The following RAB27B variants were observed in gnomAD, a reference collection of about 807,000 sequenced individuals.
RAB27B encodes RAB27B, member RAS oncogene family.
Under a neutral mutation model 24.6 loss-of-function variants are expected in RAB27B, and 15 were observed. That is an observed-to-expected ratio of 0.61 (90% confidence interval 0.41 to 0.94). The LOEUF (loss-of-function observed/expected upper bound fraction) is 0.94, where lower values mean the gene tolerates loss of function less well. Among genes scored for constraint, RAB27B ranks in the 40% least tolerant of loss-of-function variants. The probability of loss-of-function intolerance (pLI) is 0.00; values close to 1 mark genes in which losing one functional copy is unlikely to be tolerated. For missense variants in RAB27B, 261 were observed against 266.8 expected, an observed-to-expected ratio of 0.98 and a Z score of 0.15; for synonymous variants, 105 against 92.5, an observed-to-expected ratio of 1.14 and a Z score of -0.78.
intron 1 of RAB27B, among the ~76,000 whole-genome samples, chr18:54,868,961 G>A (rs182421104): frequency 6.6e-6 from 1 of 152,160 alleles, no homozygotes; most frequent in African/African-American, 2.4e-5. Context: ...ATCTGAATCT[G>A]AAACAGCAAA....
intron 2 of RAB27B, among the ~76,000 whole-genome samples, chr18:54,801,099 G>C (rs548404973): frequency 7.3e-6 from 1 of 136,278 alleles, no homozygotes; most frequent in Non-Finnish European, 1.5e-5. Flanking sequence ...TGCAACCCCC[G>C]TCTCCTGGCT....
intron 2 of RAB27B, among the ~76,000 whole-genome samples, chr18:54,818,726 T>C (rs931959178): frequency 2.0e-5 from 3 of 152,012 alleles, no homozygotes; most frequent in Admixed American, 2.0e-4. Flanking sequence ...AGGAGAGAGG[T>C]TTGAATGCTC....
intron 2 of RAB27B, among the ~76,000 whole-genome samples, chr18:54,731,254 T>G (rs1324071712): frequency 6.6e-6 from 1 of 152,244 alleles, no homozygotes; most frequent in African/African-American, 2.4e-5. Context: ...TACCTGAAGA[T>G]GTAGCCTAAA....
chr18:54,809,377 A>G (rs1909893441), intron 2 of RAB27B, among the ~76,000 whole-genome samples: 1 of 152,122 alleles, frequency 6.6e-6, no homozygotes, highest in East Asian at 1.9e-4. Flanking sequence ...CCTGGGCCCC[A>G]GAGTGAGAAC....
At chr18:54,751,541 G>A (rs767326347) in intron 2 of RAB27B, among the ~76,000 whole-genome samples, 17 of 152,048 alleles carry the variant, frequency 1.1e-4, no homozygotes, top group Non-Finnish European at 8.8e-5. Context: ...TAAAGGGATC[G>A]TTGAAAAACT....
chr18:54,847,042 G>A (rs1041419870), intron 1 of RAB27B, among the ~76,000 whole-genome samples: 3 of 152,070 alleles, frequency 2.0e-5, no homozygotes, highest in South Asian at 2.1e-4. Context: ...CTAGAGACAG[G>A]GTTTCACTAT....
chr18:54,850,333 G>T (rs1598959037), intron 1 of RAB27B, among the ~76,000 whole-genome samples: 8 of 95,154 alleles, frequency 8.4e-5, no homozygotes, highest in African/African-American at 1.4e-4. Context: ...AAACAAACAG[G>T]ATATATATAT....
chr18:54,811,015 A>G lies in RAB27B; in HGVS notation c.-19-66552A>G, dbSNP rs565668540. 5.9e-5 allele frequency among the ~76,000 whole-genome samples: 9 copies of G among 152,216 alleles called. No homozygotes were observed. In the East Asian group the frequency reaches 1.5e-3, roughly 26 times the overall value. ...TAGTCCATTATTATTGGTTCTCGAT[A>G]AATGTTACCTGAAACGAATACATTT... is the stretch of plus-strand genomic sequence containing the variant. On this transcript the variant is annotated intron_variant, in intron 2 of 4. Transcript: ENST00000586570.
intron 1 of RAB27B, among the ~76,000 whole-genome samples, chr18:54,832,643 G>A (rs1910729513): frequency 6.6e-6 from 1 of 152,112 alleles, no homozygotes; most frequent in African/African-American, 2.4e-5. Context: ...TGGCTTATTC[G>A]GACATTTGGG....
intron 1 of RAB27B, among the ~76,000 whole-genome samples, chr18:54,853,662 T>C (rs1911671657): frequency 1.3e-5 from 2 of 152,232 alleles, no homozygotes; most frequent in African/African-American, 4.8e-5. Context: ...TTTTTGGAAG[T>C]ATCACAATCA....
intron 1 of RAB27B, among the ~76,000 whole-genome samples, chr18:54,876,488 T>C (rs772723944): frequency 2.6e-5 from 4 of 152,214 alleles, no homozygotes; most frequent in East Asian, 1.9e-4. Flanking sequence ...AAAATCTTCA[T>C]AGGCCTTCCT....
chr18:54,736,445 T>A (rs1389831761), intron 2 of RAB27B, among the ~76,000 whole-genome samples: 1 of 151,918 alleles, frequency 6.6e-6, no homozygotes, highest in Non-Finnish European at 1.5e-5. Context: ...TTGAATTTCA[T>A]TATTGTTGTA....
chr18:54,825,857 C>G (rs1010001940), upstream of RAB27B, among the ~76,000 whole-genome samples: 3 of 152,200 alleles, frequency 2.0e-5, no homozygotes, highest in African/African-American at 7.2e-5. Flanking sequence ...ACCCCACCAC[C>G]TGGCCTCCTT....
chr18:54,765,718 T>C (rs533975887), intron 2 of RAB27B, among the ~76,000 whole-genome samples: 111 of 152,320 alleles, frequency 7.3e-4, no homozygotes, highest in African/African-American at 2.6e-3. Flanking sequence ...TCCTTCTTCC[T>C]TTCCTTTCCC....
At chr18:54,819,190 C>A (rs1051137678) in intron 2 of RAB27B, among the ~76,000 whole-genome samples, 4 of 146,296 alleles carry the variant, frequency 2.7e-5, no homozygotes, top group Non-Finnish European at 3.0e-5. Context: ...ATATTATATA[C>A]TATAAATATT....
intron 2 of RAB27B, among the ~76,000 whole-genome samples, chr18:54,720,126 C>G (rs1909312292): frequency 6.6e-6 from 1 of 152,074 alleles, no homozygotes; most frequent in African/African-American, 2.4e-5. Flanking sequence ...ACAGTTGGCA[C>G]AGTGCTTAGC....
chr18:54,874,987 A>G (rs1314153195), intron 1 of RAB27B, among the ~76,000 whole-genome samples: 1 of 152,162 alleles, frequency 6.6e-6, no homozygotes, highest in Non-Finnish European at 1.5e-5. Context: ...GCAGCAACTA[A>G]GAATAAGAGC....
chr18:54,853,096 A>G (rs961347668), intron 1 of RAB27B, among the ~76,000 whole-genome samples: 1 of 152,122 alleles, frequency 6.6e-6, no homozygotes, highest in Non-Finnish European at 1.5e-5. Flanking sequence ...CTTTAAAGCA[A>G]TTTTGAAAGT....
chr18:54,820,190 G>A (rs1247063745), intron 2 of RAB27B, among the ~76,000 whole-genome samples: 1 of 152,094 alleles, frequency 6.6e-6, no homozygotes, highest in Non-Finnish European at 1.5e-5. Flanking sequence ...CTGAGGAATC[G>A]CCACACTGAC....
Sources: allele counts gnomAD v4.1 joint callset (sites outside exome capture counted in the v4.1 genomes callset), GRCh38; gene constraint gnomAD v4.1.1; transcripts MANE v1.5; gene names NCBI Gene and HGNC (gene_info 2026-07-23, HGNC 2026-07-21).